Variants in GRIN2D observed in about 807,000 individuals in gnomAD.
GRIN2D encodes glutamate ionotropic receptor NMDA type subunit 2D.
Under a neutral mutation model 103.2 loss-of-function variants are expected in GRIN2D, and 37 were observed. The observed-to-expected ratio is 0.36, with a 90% CI of 0.28 to 0.47. The LOEUF is 0.47. GRIN2D is among the 20% of genes least tolerant of loss of function. The pLI is 1.00. For missense variants in GRIN2D, 1,557 were observed against 1,910.6 expected (o/e 0.81, Z 3.45); for synonymous variants, 845 against 885.6 (o/e 0.95, Z 0.81).
At chr19:48,431,473 T>C (rs1344805057) in intron 11 of GRIN2D, among the ~76,000 whole-genome samples, 4 of 152,224 alleles carry the variant, frequency 2.6e-5, no homozygotes, top group Non-Finnish European at 5.9e-5. Context: ...AGTGCTACTG[T>C]AGAGAAATCC....
chr19:48,442,293 G>T lies in GRIN2D; in HGVS notation c.2584G>T (p.Val862Phe). ...GGTGGCCATGGGCCTGTCCCTGCTG[G>T]TCTTCGCCTGGGAGCACCTGGTGTA... Reference protein sequence around the residue: ...LLVAMGLSLLVFAWEHLVYWR... With the variant: ...LLVAMGLSLLFFAWEHLVYWR... The change falls in exon 13 of 14, where the codon GTC becomes TTC. Residue 862 changes from valine to phenylalanine, a missense_variant. Around this residue, in one of 7 missense-constraint regions of GRIN2D, gnomAD observed 138 missense variants for 270.2 expected, o/e 0.51. Coordinates refer to ENST00000263269, the MANE Select transcript of GRIN2D (RefSeq NM_000836.4). The surrounding 1 kb of genome is among the most constrained non-coding windows in gnomAD (Gnocchi z 7.2). 1 of 1,614,160 alleles carries T rather than the reference G, an allele frequency of 6.2e-7. No individual in the cohort carries two copies.
chr19:48,434,112 C>A (rs1460417755), intron 11 of GRIN2D, among the ~76,000 whole-genome samples: 1 of 151,910 alleles, frequency 6.6e-6, no homozygotes, highest in Non-Finnish European at 1.5e-5. Context: ...CCTCATCCAG[C>A]TAATTTTTTG....
chr19:48,404,994 G>C lies in GRIN2D; in HGVS notation c.726G>C (p.Gln242His). The C allele has an allele frequency of 6.2e-7, 1 of 1,612,316 alleles. No homozygotes were observed. The highest frequency in any genetic ancestry group is 1.7e-5 in the Admixed American group (1 of 59,982). ...LSAQLRSVSA[Q>H]IRLLFCAREE... Reference sequence around the variant, plus strand: ...CCCAGCTCCGCAGTGTCAGCGCGCAGATCCGCCTGCTCTTCTGCGCCCGAG... The same window carrying C: ...CCCAGCTCCGCAGTGTCAGCGCGCACATCCGCCTGCTCTTCTGCGCCCGAG... Residue 242 changes from glutamine to histidine, a missense_variant, in exon 4 of 14, where the codon CAG (glutamine) becomes CAC (histidine). Coordinates refer to ENST00000263269, the MANE Select transcript of GRIN2D (RefSeq NM_000836.4).
At chr19:48,424,859 GCTGGCCGCCCCCCAGGACC>G (rs1971068957) in intron 11 of GRIN2D, among the ~76,000 whole-genome samples, 1 of 152,074 alleles carries the variant, frequency 6.6e-6, no homozygotes, top group African/African-American at 2.4e-5. Context: ...ATAAAAGGGC[GCTGGCCGCCCCCCAGGACC>G]CTGGGACTTT....
intron 4 of GRIN2D, among the ~76,000 whole-genome samples, chr19:48,413,506 CA>C (rs1467665320): frequency 1.3e-5 from 2 of 149,954 alleles, no homozygotes; most frequent in East Asian, 4.0e-4. Context: ...CAAAAACAAA[CA>C]AAATATTAGC....
Position 48,414,764 on chromosome 19 carries a change from T to G in GRIN2D, c.1413-100T>G. 1.4e-6 allele frequency: 2 copies of G among 1,385,714 alleles called. No individual in the cohort carries two copies. The highest frequency in any genetic ancestry group is 2.0e-6 in the Non-Finnish European group (2 of 1,004,838). The allele number at this position is 1,385,714 out of a possible 1,614,324, so 85.8% of individuals were successfully genotyped here. ...GAGTTTCCCCTGAAAGCGCTAACCATAGTTTTAGCTGCCGCCTATCCCTTC... is the reference window on the plus strand; with the variant it reads ...GAGTTTCCCCTGAAAGCGCTAACCAGAGTTTTAGCTGCCGCCTATCCCTTC... On this transcript the variant is annotated intron_variant, in intron 6 of 13. Coordinates refer to ENST00000263269, the MANE Select transcript of GRIN2D (RefSeq NM_000836.4). The surrounding 1 kb of genome is among the most constrained non-coding windows in gnomAD (Gnocchi z 4.6).
chr19:48,402,765 CGAGAGAGAGAGAGAGAGA>C (rs35263933), intron 3 of GRIN2D, among the ~76,000 whole-genome samples: 30 of 109,004 alleles, frequency 2.8e-4, no homozygotes, highest in African/African-American at 6.9e-4. Flanking sequence ...TACTCCTTTA[CGAGAGAGAGAGAGAGAGA>C]GAGAGAGAGA....
intron 11 of GRIN2D, among the ~76,000 whole-genome samples, chr19:48,423,352 C>T (rs568524765): frequency 2.8e-4 from 42 of 152,300 alleles, no homozygotes; most frequent in African/African-American, 8.4e-4. Flanking sequence ...CTCTGCTGTA[C>T]GCTAAGCGGT....
At position 48,443,604 on chromosome 19, in the gene GRIN2D, CG is replaced by C; in HGVS notation, c.3681del (p.Cys1228AlafsTer290). ...CCCTGCCCCGACGCCGGGCCCGCTG[CG>C]GGTGCCCGCGGTCGCACCCGCACCG... The part of the protein sequence containing the change: ...GPLPRRRARC[G>X]CPRSHPHRPR... On this transcript the variant is annotated frameshift_variant, in exon 14 of 14. Coordinates refer to ENST00000263269, the MANE Select transcript of GRIN2D (RefSeq NM_000836.4). LOFTEE classifies it high-confidence loss of function. This position sits in a 1 kb window ranked among gnomAD's most constrained non-coding sequence, Gnocchi z 8.9. 8.9e-7 allele frequency: 1 copy of C among 1,123,978 alleles called. No homozygotes were observed. The highest frequency in any genetic ancestry group is 1.1e-6 in the Non-Finnish European group (1 of 921,052). 69.6% of individuals were successfully genotyped at this position (1,123,978 alleles called of 1,614,324 possible).
At chr19:48,419,403 C>G (rs1179491455) in intron 9 of GRIN2D, 44 bp downstream of exon 9, 1 of 1,576,738 alleles carries the variant, frequency 6.3e-7, no homozygotes, top group Non-Finnish European at 8.6e-7. Flanking sequence ...GATCCCGAAC[C>G]ACAGAGACAG....
In GRIN2D at chr19:48,416,165, G is replaced by C; in HGVS notation, c.1735+10G>C. 6.2e-7 allele frequency: 1 copy of C among 1,612,934 alleles called. No individual in the cohort carries two copies. Reference sequence around the variant, plus strand: ...CCCTCGGCCTTCCTCGGTAATCTGGGGCCCTGGGACAGGGAGCTAGCCCTA... The same window carrying C: ...CCCTCGGCCTTCCTCGGTAATCTGGCGCCCTGGGACAGGGAGCTAGCCCTA... On this transcript the variant is annotated intron_variant, in intron 8 of 13. Transcript: ENST00000263269.
At position 48,414,085 on chromosome 19, in the gene GRIN2D, A is replaced by G. The variant is rs1348959191; in HGVS notation, c.1180A>G (p.Arg394Gly). 3.7e-6 allele frequency: 6 copies of G among 1,605,362 alleles called. No homozygotes were observed. The Middle Eastern group carries it at 5.0e-4, about 133-fold the overall frequency. ...NPSLVVISLTRDRTWEVVGSW... is the reference protein window; with the variant it reads ...NPSLVVISLTGDRTWEVVGSW... ...CTCCCTGGTGGTCATCTCCCTCACCAGAGACAGGACGTGGGAGGTGGTGAG... is the reference window on the plus strand; with the variant it reads ...CTCCCTGGTGGTCATCTCCCTCACCGGAGACAGGACGTGGGAGGTGGTGAG... Residue 394 changes from arginine (R) to glycine (G), a missense_variant, in exon 5 of 14, where the codon AGA becomes GGA. Physicochemically the swap from Arg to Gly is moderately radical, Grantham distance 125. Transcript: ENST00000263269. The surrounding 1 kb of genome is among the most constrained non-coding windows in gnomAD (Gnocchi z 4.6).
chr19:48,418,028 G>T (rs1171942934), intron 8 of GRIN2D, among the ~76,000 whole-genome samples: 1 of 149,672 alleles, frequency 6.7e-6, no homozygotes, highest in South Asian at 2.1e-4. Context: ...AGGCACCTGC[G>T]AGTTCTTTTT....
rs753129428 is a variant in GRIN2D at position 48,414,347 on chromosome 19, C to G, written c.1201-26C>G. ...TACACCGGGAAGTCTTCCCAGGAAG[C>G]CTGACTCTCTTTCCCTTTGGCCAAG... On this transcript the variant is annotated intron_variant, in intron 5 of 13. Transcript: ENST00000263269. This position sits in a 1 kb window ranked among gnomAD's most constrained non-coding sequence, Gnocchi z 4.6. The G allele has an allele frequency of 3.8e-6, 6 of 1,566,612 alleles. No homozygotes were observed. In the Admixed American group the frequency reaches 8.9e-5, roughly 23 times the overall value.
chr19:48,414,649 G>C lies in GRIN2D; in HGVS notation c.1412+65G>C, dbSNP rs150044973. On this transcript the variant is annotated intron_variant, in intron 6 of 13. Transcript: ENST00000263269. This position sits in a 1 kb window ranked among gnomAD's most constrained non-coding sequence, Gnocchi z 4.6. ...GCCTCCCGTGAAGCCCAGTAGTCTG[G>C]GCCCCCAGCCCCCTCCTCCCTTGGG... The C allele has an allele frequency of 0.045, 64,976 of 1,456,924 alleles. 1,786 individuals are homozygous for C. Among genetic ancestry groups the C allele is most frequent in the Middle Eastern group, 0.11 (463 of 4,130 alleles). 90.2% of individuals were successfully genotyped at this position (1,456,924 alleles called of 1,614,324 possible). A position where few individuals can be genotyped will look rare whatever the true frequency, so the allele number is the denominator to read the frequency against.
chr19:48,401,532 C>CTTTT (rs1412801146), intron 3 of GRIN2D, among the ~76,000 whole-genome samples: 1 of 152,088 alleles, frequency 6.6e-6, no homozygotes, highest in East Asian at 1.9e-4. Context: ...AAGGACAAAG[C>CTTTT]CCTTGAAGCA....
intron 11 of GRIN2D, among the ~76,000 whole-genome samples, chr19:48,439,064 G>A (rs1209496902): frequency 6.6e-6 from 1 of 150,574 alleles, no homozygotes; most frequent in Non-Finnish European, 1.5e-5. Flanking sequence ...ACAGGCATGA[G>A]CCATCATGCC....
At chr19:48,431,449 G>A (rs538077961) in intron 11 of GRIN2D, among the ~76,000 whole-genome samples, 1 of 152,072 alleles carries the variant, frequency 6.6e-6, no homozygotes, top group African/African-American at 2.4e-5. Flanking sequence ...TCACTCTATT[G>A]TTTTCTAATA....
rs530325167 is a variant in GRIN2D at position 48,395,260 on chromosome 19, AC to A, written c.-27+330del. Among the ~76,000 whole-genome samples the A allele has an allele frequency of 5.3e-4, 71 of 134,340 alleles. 3 individuals are homozygous for A. The East Asian group carries it at 8.8e-3, about 17-fold the overall frequency. 88.1% of individuals were successfully genotyped at this position (134,340 alleles called of 152,430 possible). A position where few individuals can be genotyped will look rare whatever the true frequency, so the allele number is the denominator to read the frequency against. The stretch of plus-strand genomic sequence containing the variant: ...TCTCTCTATCTCACCTTCTCCCTGT[AC>A]CCCCCTCCCTGCATCAGTCCCCCCA... On this transcript the variant is annotated intron_variant, in intron 2 of 13. Coordinates refer to ENST00000263269, the MANE Select transcript of GRIN2D (RefSeq NM_000836.4).
Sources: allele counts gnomAD v4.1 joint callset (sites outside exome capture counted in the v4.1 genomes callset), GRCh38; gene constraint gnomAD v4.1.1; regional missense constraint gnomAD v4.1.1; non-coding constraint Gnocchi (gnomAD v3.1); transcripts MANE v1.5; gene names NCBI Gene and HGNC (gene_info 2026-07-23, HGNC 2026-07-21).